The following PDGFRB variants were observed in gnomAD, a reference collection of about 807,000 sequenced individuals.
The protein encoded by PDGFRB is platelet-derived growth factor receptor beta.
PDGFRB carries 42 observed loss-of-function variants against 120.2 expected under a neutral mutation model. The ratio of observed to expected loss-of-function variants is 0.35; its 90% CI spans 0.27 to 0.45. The LOEUF (loss-of-function observed/expected upper bound fraction) is 0.45. Ranked by LOEUF, PDGFRB falls within the 20% of genes least tolerant of loss-of-function variation. PDGFRB has a pLI of 1.00. For missense variants in PDGFRB, 1,149 were observed against 1,476.3 expected, an observed-to-expected ratio of 0.78 and a Z score of 3.63; for synonymous variants, 586 against 606.8, an observed-to-expected ratio of 0.97 and a Z score of 0.50.
Position 150,132,691 on chromosome 5 carries a change from GC to G in PDGFRB, c.1127+58del. The G allele has an allele frequency of 6.6e-7, 1 of 1,515,510 alleles. No homozygotes were observed. The highest frequency in any genetic ancestry group is 8.9e-7 in the Non-Finnish European group (1 of 1,117,872). 93.9% of individuals were successfully genotyped at this position (1,515,510 alleles called of 1,614,324 possible). On this transcript the variant is annotated intron_variant, in intron 7 of 22. Coordinates refer to ENST00000261799, the MANE Select transcript of PDGFRB (RefSeq NM_002609.4). This position sits in a 1 kb window ranked among gnomAD's most constrained non-coding sequence, Gnocchi z 5.0. ...GGTTTGTGGCTGAAAGCCGAGGGCT[GC>G]CTGGCGGCTGCAAAGAAAAATAACT...
chr5:150,138,705 A>T (rs919478908), intron 1 of PDGFRB, among the ~76,000 whole-genome samples: 1 of 152,108 alleles, frequency 6.6e-6, no homozygotes, highest in Non-Finnish European at 1.5e-5. Context: ...CTCCAGCTGG[A>T]TGCCAGGCCT....
Position 150,115,953 on chromosome 5 carries a change from G to C in PDGFRB, c.3138-7C>G. 1 of 1,556,652 alleles carries C rather than the reference G, an allele frequency of 6.4e-7. No individual in the cohort carries two copies. The highest frequency in any genetic ancestry group is 1.4e-5 in the African/African-American group (1 of 73,340). ...GACTTCATTCAGGGTGGAGCTAGAG[G>C]AAAGAGGCAGTGAGTGAGGGGCTAG... On this transcript the variant is annotated splice_region_variant and splice_polypyrimidine_tract_variant and intron_variant, in intron 22 of 22. Coordinates refer to ENST00000261799, the MANE Select transcript of PDGFRB (RefSeq NM_002609.4).
At position 150,143,192 on chromosome 5, in the gene PDGFRB, C is replaced by T. The variant is rs530042286; in HGVS notation, c.-6-6139G>A. On this transcript the variant is annotated intron_variant, in intron 1 of 22. Coordinates refer to ENST00000261799, the MANE Select transcript of PDGFRB (RefSeq NM_002609.4). ...ACTCAGAACAGCACAAAATTTAAAGCTTGTAAGTTGTTTATTTCTGGAATT... is the reference window on the plus strand; with the variant it reads ...ACTCAGAACAGCACAAAATTTAAAGTTTGTAAGTTGTTTATTTCTGGAATT... Among the ~76,000 whole-genome samples the T allele has an allele frequency of 2.0e-5, 3 of 152,336 alleles. No homozygotes were observed. In the South Asian group the frequency reaches 6.2e-4, roughly 32 times the overall value.
At chr5:150,148,129 T>C (rs538750891) in intron 1 of PDGFRB, among the ~76,000 whole-genome samples, 4 of 152,208 alleles carry the variant, frequency 2.6e-5, no homozygotes, top group Non-Finnish European at 1.5e-5. Flanking sequence ...TGTCTCATCC[T>C]AGCACACTCG....
At chr5:150,146,159 A>G (rs1260485804) in intron 1 of PDGFRB, among the ~76,000 whole-genome samples, 1 of 138,648 alleles carries the variant, frequency 7.2e-6, no homozygotes, top group Non-Finnish European at 1.5e-5. Flanking sequence ...TAGAATCTTC[A>G]GAGGGCAGAC....
chr5:150,120,815 T>C lies in PDGFRB; in HGVS notation c.2586+73A>G, dbSNP rs1425849971. On this transcript the variant is annotated intron_variant, in intron 18 of 22. Transcript: ENST00000261799. The surrounding 1 kb of genome is among the most constrained non-coding windows in gnomAD (Gnocchi z 4.3). ...GATTTCCTATGAGCTGCAGCCACAC[T>C]GGTCAGGAGGGAATCTGTTCCTGCG... The C allele has an allele frequency of 6.9e-6, 10 of 1,440,384 alleles. No homozygotes were observed. Among genetic ancestry groups the C allele is most frequent in the Non-Finnish European group, 3.9e-6 (4 of 1,029,768 alleles). 89.2% of individuals were successfully genotyped at this position (1,440,384 alleles called of 1,614,324 possible).
intron 15 of PDGFRB, among the ~76,000 whole-genome samples, chr5:150,122,574 T>C (rs1760172896): frequency 6.6e-6 from 1 of 152,284 alleles, no homozygotes; most frequent in Non-Finnish European, 1.5e-5. Context: ...TTTCTGAAGC[T>C]ACTCTTGTCT....
At chr5:150,147,655 C>T (rs746167624) in intron 1 of PDGFRB, among the ~76,000 whole-genome samples, 8 of 152,220 alleles carry the variant, frequency 5.3e-5, no homozygotes, top group African/African-American at 9.6e-5. Flanking sequence ...CCCTCCTGGG[C>T]GGCAGAGCAG....
rs1437407455 is a variant in PDGFRB at position 150,134,963 on chromosome 5, T to C, written c.418A>G (p.Thr140Ala). The C allele has an allele frequency of 6.2e-7, 1 of 1,612,870 alleles. No homozygotes were observed. Among genetic ancestry groups the C allele is most frequent in the Admixed American group, 1.7e-5 (1 of 60,004 alleles). ...NDAEELFIFL[T>A]EITEITIPCR... ...GGAATGGTGATCTCAGTTATTTCCG[T>C]GAGAAAGATGAATAGTTCCTCGGCA... Residue 140 changes from threonine (T) to alanine (A), a missense_variant, in exon 4 of 23, where the codon ACG becomes GCG. By Grantham distance (58) the Thr-to-Ala change is moderately conservative (BLOSUM62 0). Around this residue, in one of 3 missense-constraint regions of PDGFRB, gnomAD observed 879 missense variants for 1,108.6 expected, o/e 0.79. Transcript: ENST00000261799.
chr5:150,115,728 G>C lies in PDGFRB; in HGVS notation c.*35C>G. 1 of 1,528,838 alleles carries C rather than the reference G, an allele frequency of 6.5e-7. No individual in the cohort carries two copies. The highest frequency in any genetic ancestry group is 8.8e-7 in the Non-Finnish European group (1 of 1,138,746). 94.7% of individuals were successfully genotyped at this position (1,528,838 alleles called of 1,614,324 possible). A position where few individuals can be genotyped will look rare whatever the true frequency, so the allele number is the denominator to read the frequency against. ...GGAGATGCTGGGTGCTGGCAGGGGGGGAGCTTCAGGCAGGGCAGGGTAGGG... is the reference window on the plus strand; with the variant it reads ...GGAGATGCTGGGTGCTGGCAGGGGGCGAGCTTCAGGCAGGGCAGGGTAGGG... On this transcript the variant is annotated 3_prime_UTR_variant, in exon 23 of 23. Transcript: ENST00000261799.
chr5:150,117,544 G>GCGCACGCACA (rs369019315), intron 22 of PDGFRB, 74 bp downstream of exon 22: 40 of 516,448 alleles, frequency 7.7e-5, no homozygotes, highest in South Asian at 2.5e-4. Context: ...GCGCGCGCGC[G>GCGCACGCACA]CACACACACA....
Position 150,124,272 on chromosome 5 carries a change from C to A in PDGFRB, c.2001G>T (p.Leu667=), listed in dbSNP as rs780783432. 6.2e-7 allele frequency: 1 copy of A among 1,613,792 alleles called. No individual in the cohort carries two copies. The highest frequency in any genetic ancestry group is 2.2e-5 in the East Asian group (1 of 44,882). ...TACCTCCTTTGGTGCAGGCCCCCAACAGGTTGACCACGTTCAGGTGGGGCC... is the reference window on the plus strand; with the variant it reads ...TACCTCCTTTGGTGCAGGCCCCCAAAAGGTTGACCACGTTCAGGTGGGGCC... ...HLGPHLNVVN[L]LGACTKGGPI... is the part of the protein sequence containing the mutation. The change falls in exon 14 of 23, where the codon CTG becomes CTT. Residue 667 remains leucine, a synonymous_variant. Coordinates refer to ENST00000261799, the MANE Select transcript of PDGFRB (RefSeq NM_002609.4).
At chr5:150,150,134 C>G (rs1230140489) in intron 1 of PDGFRB, among the ~76,000 whole-genome samples, 1 of 152,216 alleles carries the variant, frequency 6.6e-6, no homozygotes, top group Non-Finnish European at 1.5e-5. Flanking sequence ...ATAGCCCAGA[C>G]AGACCTGGAG....
chr5:150,144,527 A>G (rs1760866918), intron 1 of PDGFRB, among the ~76,000 whole-genome samples: 1 of 152,200 alleles, frequency 6.6e-6, no homozygotes, highest in African/African-American at 2.4e-5. Context: ...ATCTGTCTGG[A>G]ATGGGGCCAG....
In PDGFRB at chr5:150,137,044, G is replaced by T; in HGVS notation, c.4C>A (p.Arg2=). 3 of 1,613,162 alleles carry T rather than the reference G, an allele frequency of 1.9e-6. No individual in the cohort carries two copies. The highest frequency in any genetic ancestry group is 2.2e-5 in the East Asian group (1 of 44,838). The part of the protein sequence containing the change: M[R]LPGAMPALAL... ...AGAGCTGGCATCGCACCCGGAAGCC[G>T]CATGGTGTCCTGCAGAGTTAAACAG... Residue 2 remains arginine (R), a synonymous_variant, in exon 2 of 23, where the codon CGG becomes AGG. Transcript: ENST00000261799.
chr5:150,130,634 C>T lies in PDGFRB; in HGVS notation c.1272G>A (p.Glu424=). The change falls in exon 9 of 23, where the codon GAG becomes GAA. Residue 424 remains glutamate (E), a synonymous_variant. Transcript: ENST00000261799. ...NVPVRVLELS[E]SHPDSGEQTV... Reference sequence around the variant, plus strand: ...TCTGTTCCCCACTGTCAGGGTGGCTCTCACTTAGCTCCAGCACTCGGACAG... The same window carrying T: ...TCTGTTCCCCACTGTCAGGGTGGCTTTCACTTAGCTCCAGCACTCGGACAG... The T allele has an allele frequency of 6.2e-7, 1 of 1,613,228 alleles. No homozygotes were observed. Among genetic ancestry groups the T allele is most frequent in the Non-Finnish European group, 8.5e-7 (1 of 1,179,796 alleles).
rs1458867915 is a variant in PDGFRB at position 150,120,454 on chromosome 5, G to A, written c.2587-331C>T. Among the ~76,000 whole-genome samples, 3 of 152,158 alleles carry A rather than the reference G, an allele frequency of 2.0e-5. No homozygotes were observed. Among genetic ancestry groups the A allele is most frequent in the East Asian group, 1.9e-4 (1 of 5,184 alleles). On this transcript the variant is annotated intron_variant, in intron 18 of 22. Transcript: ENST00000261799. The surrounding 1 kb of genome is among the most constrained non-coding windows in gnomAD (Gnocchi z 4.3). ...TATCCTGGCTGCCTTTGATCTCTGG[G>A]CCTAGCGTCCCTCCATCTGGGGTTT...
At chr5:150,119,195 C>T (rs1345326186) in intron 20 of PDGFRB, among the ~76,000 whole-genome samples, 1 of 152,174 alleles carries the variant, frequency 6.6e-6, no homozygotes, top group East Asian at 1.9e-4. Flanking sequence ...CTTTTGCTGG[C>T]ACTATGGAGC....
At position 150,132,032 on chromosome 5, in the gene PDGFRB, C is replaced by A. The variant is rs751766664; in HGVS notation, c.1190G>T (p.Arg397Leu). ...GACCTCAGCATCCTCATGGAAGGCC[C>A]GCATGGTGTAGTGGCCAGCCTCTGC... ...KVAEAGHYTM[R>L]AFHEDAEVQL... The change falls in exon 8 of 23, where the codon CGG (arginine) becomes CTG (leucine). Residue 397 changes from arginine (R) to leucine (L), a missense_variant. Around this residue, in one of 3 missense-constraint regions of PDGFRB, gnomAD observed 879 missense variants for 1,108.6 expected, o/e 0.79. Transcript: ENST00000261799. The surrounding 1 kb of genome is among the most constrained non-coding windows in gnomAD (Gnocchi z 5.0). The A allele has an allele frequency of 6.2e-7, 1 of 1,612,264 alleles. No homozygotes were observed. Among genetic ancestry groups the A allele is most frequent in the Non-Finnish European group, 8.5e-7 (1 of 1,178,346 alleles).
Sources: allele counts gnomAD v4.1 joint callset (sites outside exome capture counted in the v4.1 genomes callset), GRCh38; gene constraint gnomAD v4.1.1; regional missense constraint gnomAD v4.1.1; non-coding constraint Gnocchi (gnomAD v3.1); transcripts MANE v1.5; gene names NCBI Gene and HGNC (gene_info 2026-07-23, HGNC 2026-07-21).